Variants in ZGPAT observed in about 807,000 individuals in gnomAD.
ZGPAT encodes zinc finger CCCH-type with G patch domain-containing protein.
Under a neutral mutation model 47.9 loss-of-function variants are expected in ZGPAT, and 39 were observed. The observed-to-expected ratio is 0.81, with a 90% CI of 0.63 to 1.06. The LOEUF (loss-of-function observed/expected upper bound fraction) is 1.06. Among genes scored for constraint, ZGPAT ranks in the 50% least tolerant of loss-of-function variants. The probability of loss-of-function intolerance (pLI) is 0.00; values close to 1 mark genes in which losing one functional copy is unlikely to be tolerated. For synonymous variants in ZGPAT, 348 were observed against 292.9 expected, an observed-to-expected ratio of 1.19 and a Z score of -1.92; for missense variants, 717 against 681.4, an observed-to-expected ratio of 1.05 and a Z score of -0.58.
In ZGPAT at chr20:63,734,783, G is replaced by A; in HGVS notation, c.950G>A (p.Gly317Asp). ...AGWEVHTRGI[G>D]SRLLTKMGYE... ...TGGGAGGTGCACACGCGAGGTATAGGCTCCAGACTCCTCACCAAGATGGGC... is the reference window on the plus strand; with the variant it reads ...TGGGAGGTGCACACGCGAGGTATAGACTCCAGACTCCTCACCAAGATGGGC... Residue 317 changes from glycine (G) to aspartate (D), a missense_variant, in exon 5 of 7, where the codon GGC (glycine) becomes GAC (aspartate). Coordinates refer to ENST00000355969, the MANE Select transcript of ZGPAT (RefSeq NM_181485.3). 6.2e-7 allele frequency: 1 copy of A among 1,610,824 alleles called. No homozygotes were observed. The highest frequency in any genetic ancestry group is 8.5e-7 in the Non-Finnish European group (1 of 1,178,428).
chr20:63,735,680 A>G, intron 6 of ZGPAT, 101 bp from the exon 7 acceptor site: 1 of 1,527,422 alleles, frequency 6.5e-7, no homozygotes, highest in Non-Finnish European at 8.8e-7. Flanking sequence ...AGGGGTCTGC[A>G]TGTTGGAGGA....
intron 2 of ZGPAT, among the ~76,000 whole-genome samples, chr20:63,716,163 C>T (rs1046121020): frequency 6.6e-6 from 1 of 152,056 alleles, no homozygotes; most frequent in African/African-American, 2.4e-5. Context: ...CCCAGTATCT[C>T]GGACTACAGG....
Position 63,708,751 on chromosome 20 carries a change from C to G in ZGPAT, c.171C>G (p.Val57=), listed in dbSNP as rs770864574. ...TCACCGAGGCCAGCCTGGTGTCTGT[C>G]AGGAAGAGCAGCTTGTTGGCCGCGC... is the stretch of plus-strand genomic sequence containing the variant. ...IELTEASLVS[V]RKSSLLAALD... The change falls in exon 2 of 7, where the codon GTC becomes GTG. Residue 57 remains valine, a synonymous_variant. Coordinates refer to ENST00000355969, the MANE Select transcript of ZGPAT (RefSeq NM_181485.3). 16 of 1,612,200 alleles carry G rather than the reference C, an allele frequency of 9.9e-6. No homozygotes were observed. The highest frequency in any genetic ancestry group is 6.8e-6 in the Non-Finnish European group (8 of 1,179,404).
At chr20:63,723,349 TCCCTTCTCCTATGACACAGCTCCATC>T (rs1475088452) in intron 2 of ZGPAT, among the ~76,000 whole-genome samples, 3 of 118,134 alleles carry the variant, frequency 2.5e-5, no homozygotes, top group African/African-American at 9.8e-5. Flanking sequence ...AGCTCCATCC[TCCCTTCTCCTATGACACAGCTCCATC>T]CTCCCTTCTC....
At chr20:63,713,802 C>T (rs1382951777) in intron 2 of ZGPAT, among the ~76,000 whole-genome samples, 4 of 148,438 alleles carry the variant, frequency 2.7e-5, no homozygotes, top group Admixed American at 2.0e-4. Flanking sequence ...ACCTGGGAGG[C>T]GGAGGTTGCA....
chr20:63,734,474 C>A, intron 4 of ZGPAT: 1 of 759,088 alleles, frequency 1.3e-6, no homozygotes, highest in Non-Finnish European at 2.1e-6. Context: ...GACTGCCATG[C>A]ACTCTGCCTG....
intron 2 of ZGPAT, among the ~76,000 whole-genome samples, chr20:63,720,558 T>C (rs1237604603): frequency 6.6e-6 from 1 of 151,994 alleles, no homozygotes; most frequent in African/African-American, 2.4e-5. Context: ...CTTAAGTGAG[T>C]CTCCCACCTT....
intron 2 of ZGPAT, among the ~76,000 whole-genome samples, chr20:63,711,676 G>A (rs2091669744): frequency 1.3e-5 from 2 of 151,808 alleles, no homozygotes; most frequent in Non-Finnish European, 2.9e-5. Context: ...TCCACCTCCT[G>A]GGTTCAAGGG....
At chr20:63,732,145 G>GTGCATGTGTGTGCGCGTGTGGGTGAC (rs1355162752) in intron 2 of ZGPAT, among the ~76,000 whole-genome samples, 1 of 152,012 alleles carries the variant, frequency 6.6e-6, no homozygotes, top group Non-Finnish European at 1.5e-5. Context: ...ACACGTGAGG[G>GTGCATGTGTGTGCGCGTGTGGGTGAC]TGCATGTGTG....
At position 63,708,817 on chromosome 20, in the gene ZGPAT, C is replaced by T. The variant is rs2091611391; in HGVS notation, c.237C>T (p.Tyr79=). 2 of 1,606,030 alleles carry T rather than the reference C, an allele frequency of 1.2e-6. No individual in the cohort carries two copies. Among genetic ancestry groups the T allele is most frequent in the Non-Finnish European group, 1.7e-6 (2 of 1,175,118 alleles). ...CGGGCCGCCAGGAAGATGCTGAGTA[C>T]CAGGCTTTCCGGGAGGCCATCACTG... ...ERPGRQEDAE[Y]QAFREAITEA... is the part of the protein sequence containing the mutation. The change falls in exon 2 of 7, where the codon TAC becomes TAT. Residue 79 remains tyrosine (Y), a synonymous_variant. Coordinates refer to ENST00000355969, the MANE Select transcript of ZGPAT (RefSeq NM_181485.3).
At chr20:63,733,027 AGT>A (rs375436181) in intron 2 of ZGPAT, among the ~76,000 whole-genome samples, 190 bp from the exon 3 acceptor site, 26 of 141,302 alleles carry the variant, frequency 1.8e-4, no homozygotes, top group African/African-American at 6.4e-4. Flanking sequence ...TGTGTGCGTG[AGT>A]GTGTGCATGT....
chr20:63,708,867 C>T lies in ZGPAT; in HGVS notation c.287C>T (p.Ala96Val), dbSNP rs771717176. 1.1e-5 allele frequency: 17 copies of T among 1,608,854 alleles called. No homozygotes were observed. The highest frequency in any genetic ancestry group is 1.6e-4 in the Middle Eastern group (1 of 6,072). ...ITEAVEAPAA[A>V]RGSGSETVPK... ...GAGGCGGTGGAGGCACCAGCAGCGGCCCGTGGGTCCGGATCAGAGACCGTT... is the reference window on the plus strand; with the variant it reads ...GAGGCGGTGGAGGCACCAGCAGCGGTCCGTGGGTCCGGATCAGAGACCGTT... Residue 96 changes from alanine (A) to valine (V), a missense_variant, in exon 2 of 7, where the codon GCC (alanine) becomes GTC (valine). Physicochemically the swap from Ala to Val is moderately conservative, Grantham distance 64 (BLOSUM62 0). Transcript: ENST00000355969.
chr20:63,709,366 G>T (rs929106135), intron 2 of ZGPAT, among the ~76,000 whole-genome samples: 1 of 152,144 alleles, frequency 6.6e-6, no homozygotes, highest in Non-Finnish European at 1.5e-5. Flanking sequence ...GGCCAGGCGC[G>T]GTGGCTCACG....
At chr20:63,734,663 T>C (rs753406862) in intron 4 of ZGPAT, 42 bp from the exon 5 acceptor site, 1 of 1,607,304 alleles carries the variant, frequency 6.2e-7, no homozygotes, top group Non-Finnish European at 8.5e-7. Context: ...TCGGACGCCG[T>C]GGACTCTGCA....
chr20:63,712,933 G>A (rs912032947), intron 2 of ZGPAT, among the ~76,000 whole-genome samples: 4 of 151,964 alleles, frequency 2.6e-5, no homozygotes, highest in African/African-American at 4.8e-5. Flanking sequence ...ACAGTATTAA[G>A]TCTTCCAATT....
At chr20:63,728,062 G>A (rs1473710517) in intron 2 of ZGPAT, among the ~76,000 whole-genome samples, 2 of 146,040 alleles carry the variant, frequency 1.4e-5, no homozygotes, top group Non-Finnish European at 3.0e-5. Context: ...TTGAGATGGA[G>A]TCTTGCTGTA....
rs773992704 is a variant in ZGPAT, at chr20:63,735,341, C to G, written c.1174C>G (p.Arg392Gly). ...GARPGGRPAP[R>G]NVFDFLNEKL... ...CAGGCCTGGGGGCCGCCCAGCTCCT[C>G]GGAATGTGTTTGACTTCCTCAATGA... Residue 392 changes from arginine to glycine, a missense_variant, in exon 6 of 7, where the codon CGG becomes GGG. Coordinates refer to ENST00000355969, the MANE Select transcript of ZGPAT (RefSeq NM_181485.3). 1 of 1,552,082 alleles carries G rather than the reference C, an allele frequency of 6.4e-7. No homozygotes were observed. The highest frequency in any genetic ancestry group is 1.2e-5 in the South Asian group (1 of 81,382).
intron 2 of ZGPAT, among the ~76,000 whole-genome samples, chr20:63,713,080 T>C (rs1023799231): frequency 3.1e-5 from 3 of 96,850 alleles, no homozygotes; most frequent in African/African-American, 8.8e-5. Flanking sequence ...TTTCTTTTCC[T>C]TTTTTTTTTG....
chr20:63,730,970 C>CTCTCTCTCTGTGTG (rs1237935541), intron 2 of ZGPAT, among the ~76,000 whole-genome samples: 5 of 115,162 alleles, frequency 4.3e-5, no homozygotes, highest in Non-Finnish European at 8.6e-5. Context: ...CTCTCTCTCT[C>CTCTCTCTCTGTGTG]TGTGTGTGTG....
Sources: allele counts gnomAD v4.1 joint callset (sites outside exome capture counted in the v4.1 genomes callset), GRCh38; gene constraint gnomAD v4.1.1; transcripts MANE v1.5; gene names NCBI Gene and HGNC (gene_info 2026-07-23, HGNC 2026-07-21).